The following LRRC40 variants were observed in gnomAD, a reference collection of about 807,000 sequenced individuals.
LRRC40 encodes leucine-rich repeat-containing protein 40.
In LRRC40, 76 loss-of-function variants were observed where a neutral mutation model predicts 72.8. The observed-to-expected ratio is 1.04, with a 90% CI of 0.87 to 1.26. LRRC40 has a LOEUF of 1.26. Among genes scored for constraint, LRRC40 ranks in the 50% most tolerant of loss-of-function variants. The pLI is 0.00. For synonymous variants in LRRC40, 243 were observed against 254.2 expected, an observed-to-expected ratio of 0.96 and a Z score of 0.42; for missense variants, 684 against 698.9, an observed-to-expected ratio of 0.98 and a Z score of 0.24.
At chr1:70,193,831 A>C (rs371500149) in intron 1 of LRRC40, among the ~76,000 whole-genome samples, 20 of 152,168 alleles carry the variant, frequency 1.3e-4, no homozygotes, top group African/African-American at 4.8e-4. Flanking sequence ...CTACCATATT[A>C]ACAGAAAAAT....
chr1:70,193,384 T>C (rs959811721), intron 1 of LRRC40, among the ~76,000 whole-genome samples: 3 of 151,130 alleles, frequency 2.0e-5, no homozygotes, highest in Non-Finnish European at 4.4e-5. Context: ...TTGGATGAAA[T>C]GGATAAATCC....
chr1:70,194,180 T>C (rs1052974202), intron 1 of LRRC40, among the ~76,000 whole-genome samples: 2 of 152,046 alleles, frequency 1.3e-5, no homozygotes, highest in African/African-American at 4.8e-5. Context: ...GACACTATGA[T>C]CATCTATGTA....
intron 7 of LRRC40, 124 bp downstream of exon 7, chr1:70,175,686 C>G (rs1348969891): frequency 3.0e-6 from 2 of 658,660 alleles, no homozygotes; most frequent in African/African-American, 3.8e-5. Context: ...AACTACTGCT[C>G]AATCAATATT....
intron 12 of LRRC40, among the ~76,000 whole-genome samples, chr1:70,151,456 T>C (rs1276969776): frequency 6.6e-6 from 1 of 152,158 alleles, no homozygotes; most frequent in African/African-American, 2.4e-5. Context: ...ACAGGTTTAA[T>C]AGTGATTACA....
rs1401486857 is a variant in LRRC40, at chr1:70,152,423, CAATA to C, written c.1439+6_1439+9del. ...TTTTTAAAAAGTCAAGCAATAGTAT[CAATA>C]AATACCTGAGATCTAAAAAAGTCAA... On this transcript the variant is annotated splice_donor_region_variant and intron_variant, in intron 12 of 14. Coordinates refer to ENST00000370952, the MANE Select transcript of LRRC40 (RefSeq NM_017768.5). 7.5e-7 allele frequency: 1 copy of C among 1,324,670 alleles called. No homozygotes were observed. Among genetic ancestry groups the C allele is most frequent in the Admixed American group, 1.8e-5 (1 of 56,426 alleles). 82.1% of individuals were successfully genotyped at this position (1,324,670 alleles called of 1,614,324 possible). A position where few individuals can be genotyped will look rare whatever the true frequency, so the allele number is the denominator to read the frequency against.
intron 14 of LRRC40, 151 bp downstream of exon 14, chr1:70,148,336 A>G: frequency 1.5e-6 from 1 of 645,224 alleles, no homozygotes; most frequent in Middle Eastern, 4.4e-4. Flanking sequence ...GAAAAACAGA[A>G]TTGGGACTCT....
intron 12 of LRRC40, chr1:70,151,669 C>T (rs990265153): frequency 6.6e-6 from 1 of 151,934 alleles, no homozygotes; most frequent in African/African-American, 2.4e-5. Flanking sequence ...GAGTTTTCTA[C>T]TCCATAGGTA....
At chr1:70,200,167 T>C (rs1190994921) in intron 1 of LRRC40, among the ~76,000 whole-genome samples, 1 of 152,166 alleles carries the variant, frequency 6.6e-6, no homozygotes, top group Non-Finnish European at 1.5e-5. Flanking sequence ...TTTCCCAATG[T>C]AGAAATATCA....
In LRRC40 at chr1:70,181,154, C is replaced by G. The variant is rs771714147; in HGVS notation, c.593G>C (p.Ser198Thr). 6.3e-7 allele frequency: 1 copy of G among 1,599,254 alleles called. No individual in the cohort carries two copies. The highest frequency in any genetic ancestry group is 1.1e-5 in the South Asian group (1 of 88,056). The part of the protein sequence containing the change: ...TVPASFSSLS[S>T]LVRLNLSSNE... Reference sequence around the variant, plus strand: ...ACTAGAAAGATTGAGTCGCACCAGACTGGACAGAGAAGAAAAACTAGCAGG... The same window carrying G: ...ACTAGAAAGATTGAGTCGCACCAGAGTGGACAGAGAAGAAAAACTAGCAGG... Residue 198 changes from serine (S) to threonine (T), a missense_variant, in exon 5 of 15, where the codon AGT (serine) becomes ACT (threonine). By Grantham distance (58) the Ser-to-Thr change is moderately conservative. Transcript: ENST00000370952.
intron 1 of LRRC40, among the ~76,000 whole-genome samples, chr1:70,202,293 T>A (rs753374329): frequency 3.9e-5 from 6 of 152,116 alleles, no homozygotes; most frequent in Non-Finnish European, 5.9e-5. Context: ...GTATCCAAGA[T>A]GTCCTTCAAC....
At chr1:70,195,807 T>C (rs1668595521) in intron 1 of LRRC40, among the ~76,000 whole-genome samples, 1 of 152,174 alleles carries the variant, frequency 6.6e-6, no homozygotes, top group African/African-American at 2.4e-5. Flanking sequence ...GGCTAATTTT[T>C]GTATTTTTAG....
intron 9 of LRRC40, among the ~76,000 whole-genome samples, chr1:70,161,407 T>G (rs1171720864): frequency 6.6e-6 from 1 of 151,278 alleles, no homozygotes; most frequent in Non-Finnish European, 1.5e-5. Context: ...TTTAAGAAAT[T>G]TTTGGCCGGT....
At chr1:70,161,524 G>C (rs955945251) in intron 9 of LRRC40, among the ~76,000 whole-genome samples, 5 of 150,482 alleles carry the variant, frequency 3.3e-5, no homozygotes, top group African/African-American at 9.7e-5. Context: ...ACTCCAGCCT[G>C]GGCGACAGAG....
At chr1:70,189,823 G>T (rs1040315334) in intron 1 of LRRC40, among the ~76,000 whole-genome samples, 1 of 152,176 alleles carries the variant, frequency 6.6e-6, no homozygotes, top group African/African-American at 2.4e-5. Context: ...AGAGCACAAA[G>T]AAAATGTATA....
At chr1:70,200,622 A>T (rs939885128) in intron 1 of LRRC40, among the ~76,000 whole-genome samples, 4 of 152,208 alleles carry the variant, frequency 2.6e-5, no homozygotes, top group African/African-American at 9.6e-5. Context: ...CACTTATGAG[A>T]CTATGAATTG....
chr1:70,158,508 G>T (rs1280780162), intron 10 of LRRC40, among the ~76,000 whole-genome samples: 1 of 152,146 alleles, frequency 6.6e-6, no homozygotes, highest in Non-Finnish European at 1.5e-5. Context: ...GCCTTAGACA[G>T]TACTGAAAGG....
At chr1:70,197,240 A>T (rs1668631819) in intron 1 of LRRC40, among the ~76,000 whole-genome samples, 1 of 101,462 alleles carries the variant, frequency 9.9e-6, no homozygotes, top group African/African-American at 4.0e-5. Flanking sequence ...CCTTATAGAT[A>T]CTGGGGGGCG....
chr1:70,145,660 C>A lies in LRRC40; in HGVS notation c.*140G>T. 1 of 481,556 alleles carries A rather than the reference C, an allele frequency of 2.1e-6. No homozygotes were observed. Among genetic ancestry groups the A allele is most frequent in the Non-Finnish European group, 3.7e-6 (1 of 268,640 alleles). 29.8% of individuals were successfully genotyped at this position (481,556 alleles called of 1,614,324 possible). ...TGAATATGGCCCAGGCTAATTATAC[C>A]AACAGGTAGGTGATACTGGGAAACT... On this transcript the variant is annotated 3_prime_UTR_variant, in exon 15 of 15. Transcript: ENST00000370952.
At chr1:70,176,014 C>T in intron 6 of LRRC40, 32 bp from the exon 7 acceptor site, 1 of 1,376,260 alleles carries the variant, frequency 7.3e-7, no homozygotes, top group South Asian at 1.6e-5. Flanking sequence ...ATGTGTATCT[C>T]TGTATTCAAT....
Sources: allele counts gnomAD v4.1 joint callset (sites outside exome capture counted in the v4.1 genomes callset), GRCh38; gene constraint gnomAD v4.1.1; transcripts MANE v1.5; gene names NCBI Gene and HGNC (gene_info 2026-07-23, HGNC 2026-07-21).